Variants in OXR1 observed in about 807,000 individuals in gnomAD.
OXR1 encodes the protein oxidation resistance 1, also known as oxidation resistance protein 1.
In OXR1, 41 loss-of-function variants were observed where a neutral mutation model predicts 104.6. The observed-to-expected ratio is 0.39, with a 90% CI of 0.31 to 0.51. OXR1 has a LOEUF of 0.51. Ranked by LOEUF, OXR1 falls within the 20% of genes least tolerant of loss-of-function variation. OXR1 has a pLI of 0.77. For synonymous variants in OXR1, 348 were observed against 348.4 expected (o/e 1.00, Z 0.01); for missense variants, 955 against 1,031.9 (o/e 0.93, Z 1.02).
chr8:106,312,002 C>A (rs961405785), intron 1 of OXR1, among the ~76,000 whole-genome samples: 12 of 151,950 alleles, frequency 7.9e-5, no homozygotes, highest in Admixed American at 3.3e-4. Flanking sequence ...CACCTACACC[C>A]CCACCCCCCT....
At chr8:106,360,001 G>C (rs984186961) in intron 2 of OXR1, among the ~76,000 whole-genome samples, 2 of 152,058 alleles carry the variant, frequency 1.3e-5, no homozygotes, top group Non-Finnish European at 2.9e-5. Context: ...CTGCCAGTGT[G>C]GGGTAGATAT....
chr8:106,335,349 T>C (rs1338485163), intron 1 of OXR1, among the ~76,000 whole-genome samples: 1 of 152,230 alleles, frequency 6.6e-6, no homozygotes, highest in Admixed American at 6.5e-5. Context: ...CCTTGCCCGC[T>C]GAGTTTCTTG....
At chr8:106,431,561 A>G (rs1256023332) in intron 2 of OXR1, among the ~76,000 whole-genome samples, 1 of 152,204 alleles carries the variant, frequency 6.6e-6, no homozygotes, top group Non-Finnish European at 1.5e-5. Flanking sequence ...ATTTTTCTTC[A>G]TATCTCCTAA....
chr8:106,290,376 C>T (rs868732801), intron 1 of OXR1, among the ~76,000 whole-genome samples: 13 of 152,246 alleles, frequency 8.5e-5, no homozygotes, highest in African/African-American at 2.6e-4. Context: ...AGATACCCTT[C>T]TTGACATTAG....
chr8:106,526,026 G>C (rs1327445360), intron 3 of OXR1, among the ~76,000 whole-genome samples: 1 of 152,118 alleles, frequency 6.6e-6, no homozygotes, highest in African/African-American at 2.4e-5. Context: ...CCAGCCCTCA[G>C]GTGCTTATAT....
intron 1 of OXR1, 57 bp downstream of exon 1, chr8:106,270,424 A>T (rs1811746193): frequency 6.6e-6 from 1 of 152,412 alleles, no homozygotes; most frequent in East Asian, 1.9e-4. Flanking sequence ...GGGGGAGTCC[A>T]GGAGGGATAG....
chr8:106,272,745 G>T (rs1811870427), intron 1 of OXR1: 1 of 152,138 alleles, frequency 6.6e-6, no homozygotes, highest in Non-Finnish European at 1.5e-5. Context: ...TGTAAGGTGG[G>T]AGATTTGAAT....
intron 1 of OXR1, among the ~76,000 whole-genome samples, chr8:106,298,577 A>G: frequency 6.6e-6 from 1 of 152,202 alleles, no homozygotes; most frequent in Admixed American, 6.5e-5. Flanking sequence ...TGTTTTCTGC[A>G]GTATTTTATG....
At chr8:106,486,130 A>T (rs2219012) in intron 2 of OXR1, among the ~76,000 whole-genome samples, 1,638 of 152,278 alleles carry the variant, frequency 0.011, 21 homozygotes, top group Non-Finnish European at 0.014. Context: ...TTACAAAATC[A>T]CGAGATATGT....
intron 1 of OXR1, among the ~76,000 whole-genome samples, chr8:106,321,407 A>C (rs1258810750): frequency 6.6e-6 from 1 of 152,204 alleles, no homozygotes; most frequent in Non-Finnish European, 1.5e-5. Flanking sequence ...TGGTAGTAAC[A>C]TGTGGTCCAA....
chr8:106,663,873 G>T (rs1826007940), intron 3 of OXR1, among the ~76,000 whole-genome samples: 1 of 152,122 alleles, frequency 6.6e-6, no homozygotes, highest in African/African-American at 2.4e-5. Context: ...TGTCTCTGGT[G>T]CCGTAAAGGT....
chr8:106,742,394 T>C, intron 15 of OXR1, 77 bp downstream of exon 15: 1 of 777,712 alleles, frequency 1.3e-6, no homozygotes, highest in South Asian at 1.7e-5. Flanking sequence ...ATAGATTCAG[T>C]GCTATTCCCA....
chr8:106,737,666 C>A, intron 12 of OXR1, 66 bp downstream of exon 12: 1 of 543,290 alleles, frequency 1.8e-6, no homozygotes, highest in Non-Finnish European at 2.9e-6. Flanking sequence ...TGTTCTTTGT[C>A]ATGGCAAATC....
intron 3 of OXR1, among the ~76,000 whole-genome samples, chr8:106,559,480 A>G (rs181256012): frequency 4.5e-4 from 69 of 152,246 alleles, no homozygotes; most frequent in Non-Finnish European, 7.9e-4. Flanking sequence ...ATTTTTAGGT[A>G]TTTGTTACAG....
chr8:106,726,667 A>C (rs946139827), intron 11 of OXR1, among the ~76,000 whole-genome samples: 10 of 152,162 alleles, frequency 6.6e-5, no homozygotes, highest in African/African-American at 2.4e-4. Flanking sequence ...AGAGTAAATT[A>C]ATTATTATTG....
chr8:106,613,298 A>G (rs548681189), intron 3 of OXR1, among the ~76,000 whole-genome samples: 1 of 152,324 alleles, frequency 6.6e-6, no homozygotes, highest in Non-Finnish European at 1.5e-5. Context: ...TTTAATTTTC[A>G]TTGCATGCTA....
At chr8:106,337,042 T>C (rs1037815217) in intron 1 of OXR1, among the ~76,000 whole-genome samples, 2 of 152,226 alleles carry the variant, frequency 1.3e-5, no homozygotes, top group African/African-American at 2.4e-5. Context: ...AGTTTTCTAA[T>C]TGGGAAATAT....
At chr8:106,622,808 T>C (rs531340575) in intron 3 of OXR1, among the ~76,000 whole-genome samples, 201 of 152,334 alleles carry the variant, frequency 1.3e-3, no homozygotes, top group Middle Eastern at 3.4e-3. Context: ...ATCTACCTTA[T>C]TGGAATACAA....
At chr8:106,492,119 T>C (rs1563558498) in intron 2 of OXR1, among the ~76,000 whole-genome samples, 1 of 152,226 alleles carries the variant, frequency 6.6e-6, no homozygotes, top group South Asian at 2.1e-4. Flanking sequence ...GTCCATCTGA[T>C]ATCAATGTGT....
Sources: allele counts gnomAD v4.1 joint callset (sites outside exome capture counted in the v4.1 genomes callset), GRCh38; gene constraint gnomAD v4.1.1; transcripts MANE v1.5; gene names NCBI Gene and HGNC (gene_info 2026-07-23, HGNC 2026-07-21).